The following P2RY8 variants were observed in gnomAD, a reference collection of about 807,000 sequenced individuals.
P2RY8 encodes P2Y receptor family member 8.
A neutral mutation model predicts 10.0 loss-of-function variants in P2RY8; 6 were observed. The observed-to-expected ratio is 0.60, with a 90% confidence interval of 0.33 to 1.19. The LOEUF is 1.19. P2RY8 is among the 50% of genes most tolerant of loss of function. The probability of loss-of-function intolerance (pLI) is 0.04; values close to 1 mark genes in which losing one functional copy is unlikely to be tolerated. For synonymous variants in P2RY8, 276 were observed against 252.5 expected (o/e 1.09, Z -0.88); for missense variants, 456 against 542.0 (o/e 0.84, Z 1.58).
intron 1 of P2RY8, among the ~76,000 whole-genome samples, chrX:1,521,156 T>C (rs1222386539): frequency 6.7e-6 from 1 of 148,154 alleles, no homozygotes; most frequent in Non-Finnish European, 1.5e-5. Flanking sequence ...TGCCTTAGCC[T>C]CCTGAGTAGC....
rs187320032 is a variant in P2RY8, at chrX:1,501,293, C to T, written c.-24-34711G>A. ...GGAAGCACTCTGTGCATCCCTGTGA[C>T]GGTGCTTTGCAGACTTTTGGCCTGT... On this transcript the variant is annotated intron_variant, in intron 1 of 1. Transcript: ENST00000381297. Among the ~76,000 whole-genome samples, 644 of 152,290 alleles carry T rather than the reference C, an allele frequency of 4.2e-3. 2 individuals carry two copies. The highest frequency in any genetic ancestry group is 6.1e-3 in the Non-Finnish European group (418 of 68,024).
At chrX:1,522,255 C>T (rs1418777282) in intron 1 of P2RY8, among the ~76,000 whole-genome samples, 2 of 151,436 alleles carry the variant, frequency 1.3e-5, no homozygotes, top group Non-Finnish European at 2.9e-5. Context: ...ATGCCCCGCC[C>T]TCTTTTTCTC....
At chrX:1,484,986 CTTTTTTTTTT>C (rs773650240) in intron 1 of P2RY8, among the ~76,000 whole-genome samples, 4 of 81,424 alleles carry the variant, frequency 4.9e-5, no homozygotes, top group African/African-American at 1.7e-4. Flanking sequence ...GTAATAATGT[CTTTTTTTTTT>C]TTTTTTTTTT....
intron 1 of P2RY8, among the ~76,000 whole-genome samples, chrX:1,501,801 G>C (rs1362506211): frequency 4.6e-5 from 7 of 151,580 alleles, no homozygotes; most frequent in African/African-American, 1.7e-4. Context: ...CACCGTGTTA[G>C]CCAGGATGGT....
intron 1 of P2RY8, among the ~76,000 whole-genome samples, chrX:1,468,765 CCCCTCTCCCCTCT>C (rs1204336409): frequency 0.019 from 6 of 324 alleles, 1 homozygote; most frequent in African/African-American, 0.045. Context: ...TCTCCCCTCT[CCCCTCTCCCCTCT>C]CCCTCTCCCC....
chrX:1,524,873 TCATCCATCCATCCATCTATCCATC>T (rs2092429308), intron 1 of P2RY8, among the ~76,000 whole-genome samples: 1 of 37,472 alleles, frequency 2.7e-5, no homozygotes, highest in Non-Finnish European at 5.5e-5. Flanking sequence ...AACCATCCAC[TCATCCATCCATCCATCTATCCATC>T]CATCCATCCA....
chrX:1,483,000 G>A (rs1424787165), intron 1 of P2RY8, among the ~76,000 whole-genome samples: 5 of 151,962 alleles, frequency 3.3e-5, no homozygotes, highest in African/African-American at 9.7e-5. Flanking sequence ...GCTAAATGAC[G>A]AGTTAATGGG....
intron 1 of P2RY8, among the ~76,000 whole-genome samples, chrX:1,525,645 A>G (rs1448912969): frequency 6.6e-6 from 1 of 152,182 alleles, no homozygotes; most frequent in Non-Finnish European, 1.5e-5. Flanking sequence ...CCATTCATCC[A>G]TCCATCCACC....
rs187717969 is a variant in P2RY8, at chrX:1,467,394, T to G, written c.-24-812A>C. Among the ~76,000 whole-genome samples the G allele has an allele frequency of 7.1e-3, 1,086 of 152,296 alleles. 17 individuals are homozygous for G. Among genetic ancestry groups the G allele is most frequent in the African/African-American group, 0.025 (1,041 of 41,560 alleles). On this transcript the variant is annotated intron_variant, in intron 1 of 1. Transcript: ENST00000381297. Reference sequence around the variant, plus strand: ...GTTTCAGTTTCAGGGAGAAGTTTTCTGACCCGCCGGTCCGTGCCCAGGTGT... The same window carrying G: ...GTTTCAGTTTCAGGGAGAAGTTTTCGGACCCGCCGGTCCGTGCCCAGGTGT...
At chrX:1,468,446 G>A (rs1156334511) in intron 1 of P2RY8, among the ~76,000 whole-genome samples, 1 of 152,184 alleles carries the variant, frequency 6.6e-6, no homozygotes, top group African/African-American at 2.4e-5. Flanking sequence ...ACAGCCCCCG[G>A]GGAAGACAGA....
At chrX:1,488,911 C>T (rs1410217330) in intron 1 of P2RY8, among the ~76,000 whole-genome samples, 5 of 151,818 alleles carry the variant, frequency 3.3e-5, no homozygotes, top group Admixed American at 2.6e-4. Flanking sequence ...TGAATGATAC[C>T]CAGGGTTCAC....
At position 1,465,350 on chromosome X, in the gene P2RY8, C is replaced by T. The variant is rs1387316551; in HGVS notation, c.*129G>A. On this transcript the variant is annotated 3_prime_UTR_variant, in exon 2 of 2. Transcript: ENST00000381297. ...GAGGAATAAAGCCTGGAGACCCTTCCCCACCGGGCCTCTGCAGTGCCTGGG... is the reference window on the plus strand; with the variant it reads ...GAGGAATAAAGCCTGGAGACCCTTCTCCACCGGGCCTCTGCAGTGCCTGGG... 1.5e-5 allele frequency: 21 copies of T among 1,437,324 alleles called. No individual in the cohort carries two copies. The East Asian group carries it at 4.4e-4, about 30-fold the overall frequency. 89.0% of individuals were successfully genotyped at this position (1,437,324 alleles called of 1,614,324 possible).
At position 1,473,410 on chromosome X, in the gene P2RY8, T is replaced by A. The variant is rs368708261; in HGVS notation, c.-24-6828A>T. ...GTGGATGGGTGGGTGGATGGATCAG[T>A]GTTTAGATAGATGGATGTGTGGGTG... On this transcript the variant is annotated intron_variant, in intron 1 of 1. Transcript: ENST00000381297. Among the ~76,000 whole-genome samples, 28 of 145,532 alleles carry A rather than the reference T, an allele frequency of 1.9e-4. No individual in the cohort carries two copies. In the East Asian group the frequency reaches 4.2e-3, roughly 22 times the overall value.
chrX:1,508,704 T>TCCATCCATCCATCTATTCTATCTATCTA (rs1201683452), intron 1 of P2RY8, among the ~76,000 whole-genome samples: 1 of 111,974 alleles, frequency 8.9e-6, no homozygotes, highest in African/African-American at 3.4e-5. Context: ...CATCCATCCA[T>TCCATCCATCCATCTATTCTATCTATCTA]TCTATCTATC....
intron 1 of P2RY8, among the ~76,000 whole-genome samples, chrX:1,521,823 T>TA (rs2092393745): frequency 2.0e-5 from 3 of 152,008 alleles, no homozygotes. Flanking sequence ...GACAACCTCC[T>TA]AATTCCTGTG....
Position 1,465,222 on chromosome X carries a change from C to T in P2RY8, c.*257G>A, listed in dbSNP as rs2091647295. On this transcript the variant is annotated 3_prime_UTR_variant, in exon 2 of 2. Coordinates refer to ENST00000381297, the MANE Select transcript of P2RY8 (RefSeq NM_178129.5). ...TGACACAGAGAGGCAGAGGCACCCT[C>T]TGCAGGATAACAAGCACCCTGTGCG... 3.6e-6 allele frequency: 2 copies of T among 560,954 alleles called. No homozygotes were observed. Among genetic ancestry groups the T allele is most frequent in the African/African-American group, 3.8e-5 (2 of 53,150 alleles). The allele number at this position is 560,954 out of a possible 1,614,324, so 34.7% of individuals were successfully genotyped here.
chrX:1,470,505 G>A (rs1233865479), intron 1 of P2RY8, among the ~76,000 whole-genome samples: 7 of 151,962 alleles, frequency 4.6e-5, no homozygotes, highest in African/African-American at 1.4e-4. Context: ...GGCAACAAAA[G>A]CAAAACTCCA....
In P2RY8 at chrX:1,463,004, C is replaced by G. The variant is rs2091606716; in HGVS notation, c.*2475G>C. On this transcript the variant is annotated 3_prime_UTR_variant, in exon 2 of 2. Transcript: ENST00000381297. ...AAAAAAAAAAATCGACGCATTTTGC[C>G]TGCTTGCAACGTCTTCCTTTGCTGG... 1 of 232,754 alleles carries G rather than the reference C, an allele frequency of 4.3e-6. No individual in the cohort carries two copies. The allele number at this position is 232,754 out of a possible 1,614,324, so 14.4% of individuals were successfully genotyped here.
chrX:1,489,740 G>A (rs145925098), intron 1 of P2RY8, among the ~76,000 whole-genome samples: 1,661 of 146,832 alleles, frequency 0.011, 3 homozygotes, highest in African/African-American at 0.024. Context: ...AATGTGGGGG[G>A]AATGAATGAA....
Sources: gnomAD v4.1 joint callset for allele counts (sites outside exome capture counted in the v4.1 genomes callset) on GRCh38, gnomAD v4.1.1 for gene constraint, MANE v1.5 for transcripts, NCBI Gene and HGNC (gene_info 2026-07-23, HGNC 2026-07-21) for gene names.